UMAD1: variants seen among roughly 807,000 people sequenced by gnomAD.
UMAD1 encodes UBAP1-MVB12-associated (UMA)-domain containing protein 1.
UMAD1 carries 8 observed loss-of-function variants against 6.1 expected under a neutral mutation model. The observed-to-expected ratio is 1.30, with a 90% CI of 0.76 to 2.35. The LOEUF (loss-of-function observed/expected upper bound fraction) is 2.35, where lower values mean the gene tolerates loss of function less well. Among genes scored for constraint, UMAD1 ranks in the 30% most tolerant of loss-of-function variants. The probability of loss-of-function intolerance (pLI) is 0.00; values close to 1 mark genes in which losing one functional copy is unlikely to be tolerated. For synonymous variants in UMAD1, 56 were observed against 31.4 expected, an observed-to-expected ratio of 1.78 and a Z score of -2.61; for missense variants, 130 against 78.4, an observed-to-expected ratio of 1.66 and a Z score of -2.49.
intron 3 of UMAD1, among the ~76,000 whole-genome samples, chr7:7,861,105 G>C (rs1368076325): frequency 1.3e-5 from 2 of 152,192 alleles, no homozygotes; most frequent in African/African-American, 2.4e-5. Context: ...TTGGGGAGAG[G>C]AGGGATGGGG....
At chr7:7,752,039 A>G (rs1189232017) in intron 2 of UMAD1, among the ~76,000 whole-genome samples, 1 of 152,160 alleles carries the variant, frequency 6.6e-6, no homozygotes, top group Non-Finnish European at 1.5e-5. Flanking sequence ...ACAAGGGAGA[A>G]ATTATAGACT....
chr7:7,648,886 C>T (rs10234109), intron 1 of UMAD1, among the ~76,000 whole-genome samples: 100,837 of 150,808 alleles, frequency 0.67, 34,052 homozygotes, highest in East Asian at 0.88. Context: ...AGGCCGGGCG[C>T]GGTCGCTCAC....
intron 2 of UMAD1, among the ~76,000 whole-genome samples, chr7:7,704,598 GAAA>G (rs35661728): frequency 6.4e-5 from 6 of 93,608 alleles, no homozygotes; most frequent in African/African-American, 1.2e-4. Context: ...TACTAAAATA[GAAA>G]AAAAAAAAAA....
intron 2 of UMAD1, among the ~76,000 whole-genome samples, chr7:7,722,147 C>G (rs1015976615): frequency 2.9e-5 from 4 of 136,302 alleles, no homozygotes; most frequent in Non-Finnish European, 6.1e-5. Context: ...AATAAACTCT[C>G]TCTCTCTCTC....
intron 3 of UMAD1, among the ~76,000 whole-genome samples, chr7:7,870,623 C>T (rs749951197): frequency 6.6e-6 from 1 of 152,194 alleles, no homozygotes; most frequent in Non-Finnish European, 1.5e-5. Context: ...CCACTGCTTC[C>T]ATTGGCTGCC....
At chr7:7,743,332 C>CAATT (rs1293190826) in intron 2 of UMAD1, among the ~76,000 whole-genome samples, 2 of 152,004 alleles carry the variant, frequency 1.3e-5, no homozygotes, top group African/African-American at 4.8e-5. Flanking sequence ...TTGTAACAGT[C>CAATT]AATTAATTTC....
intron 2 of UMAD1, among the ~76,000 whole-genome samples, chr7:7,752,234 A>G (rs1257151213): frequency 6.6e-6 from 1 of 152,228 alleles, no homozygotes; most frequent in East Asian, 1.9e-4. Context: ...GCAGTAATGC[A>G]TTGAAAAGAA....
At chr7:7,816,774 T>C (rs10269915) in intron 3 of UMAD1, among the ~76,000 whole-genome samples, 4,215 of 152,300 alleles carry the variant, frequency 0.028, 88 homozygotes, top group Middle Eastern at 0.054. Context: ...ACCTTGCTTA[T>C]CTGTCCTTTC....
chr7:7,767,704 A>C (rs76425282), intron 2 of UMAD1, among the ~76,000 whole-genome samples: 4,529 of 152,222 alleles, frequency 0.03, 238 homozygotes, highest in African/African-American at 0.1. Flanking sequence ...TATATTTATG[A>C]GTTTAAGCCT....
At chr7:7,823,737 A>G (rs1362674675) in intron 3 of UMAD1, among the ~76,000 whole-genome samples, 2 of 152,198 alleles carry the variant, frequency 1.3e-5, no homozygotes, top group African/African-American at 4.8e-5. Flanking sequence ...GATGGTAATA[A>G]GGATGATTTA....
intron 2 of UMAD1, among the ~76,000 whole-genome samples, chr7:7,722,159 A>ATATATATG (rs1781062293): frequency 8.0e-6 from 1 of 125,074 alleles, no homozygotes; most frequent in African/African-American, 2.9e-5. Flanking sequence ...CTCTCTCTCT[A>ATATATATG]TATATATATA....
intron 2 of UMAD1, among the ~76,000 whole-genome samples, chr7:7,728,782 C>T (rs1781191940): frequency 6.6e-6 from 1 of 152,162 alleles, no homozygotes. Flanking sequence ...GTAGTCTTTT[C>T]ACTATGTTCC....
chr7:7,650,287 C>T (rs1189013705), intron 1 of UMAD1, among the ~76,000 whole-genome samples: 1 of 152,056 alleles, frequency 6.6e-6, no homozygotes, highest in Admixed American at 6.5e-5. Context: ...TTATCATTTT[C>T]TTTACTTAAT....
At chr7:7,753,672 T>C (rs1781721349) in intron 2 of UMAD1, among the ~76,000 whole-genome samples, 1 of 152,228 alleles carries the variant, frequency 6.6e-6, no homozygotes, top group African/African-American at 2.4e-5. Context: ...TCCGTTCATC[T>C]GTTGTTGGGG....
chr7:7,852,741 T>C (rs1315189226), intron 3 of UMAD1, among the ~76,000 whole-genome samples: 1 of 152,172 alleles, frequency 6.6e-6, no homozygotes, highest in Non-Finnish European at 1.5e-5. Context: ...CTCCACATAT[T>C]CAGCTCTGTA....
intron 2 of UMAD1, among the ~76,000 whole-genome samples, chr7:7,682,709 A>T (rs1779943331): frequency 6.6e-6 from 1 of 152,210 alleles, no homozygotes; most frequent in Non-Finnish European, 1.5e-5. Context: ...TTAAAAAGTA[A>T]CTTACCCTAT....
Position 7,844,136 on chromosome 7 carries a change from T to G in UMAD1, c.157-33145T>G, listed in dbSNP as rs376124828. Among the ~76,000 whole-genome samples, 5 of 152,332 alleles carry G rather than the reference T, an allele frequency of 3.3e-5. No homozygotes were observed. In the East Asian group the frequency reaches 5.8e-4, roughly 18 times the overall value. ...GCCAAAATTATTTTGAGGACCACTC[T>G]GGTCGCCTCTTCTTTCTCTTAACAA... On this transcript the variant is annotated intron_variant, in intron 3 of 3. Transcript: ENST00000682710.
intron 2 of UMAD1, among the ~76,000 whole-genome samples, chr7:7,797,789 A>G (rs1323803952): frequency 1.3e-5 from 2 of 151,952 alleles, no homozygotes; most frequent in Admixed American, 6.6e-5. Context: ...CCCAGGTTCA[A>G]GCAAATCTCC....
intron 2 of UMAD1, among the ~76,000 whole-genome samples, chr7:7,752,739 A>G (rs1781701963): frequency 6.6e-6 from 1 of 152,138 alleles, no homozygotes; most frequent in African/African-American, 2.4e-5. Context: ...AGAAAAAAGC[A>G]TTATAGAGGT....
Sources: allele counts gnomAD v4.1 joint callset (sites outside exome capture counted in the v4.1 genomes callset), GRCh38; gene constraint gnomAD v4.1.1; transcripts MANE v1.5; gene names NCBI Gene and HGNC (gene_info 2026-07-23, HGNC 2026-07-21).